BTBD9: variants seen among roughly 807,000 people sequenced by gnomAD.
The protein encoded by BTBD9 is BTB/POZ domain-containing protein 9.
Under a neutral mutation model 64.3 loss-of-function variants are expected in BTBD9, and 49 were observed. That is an observed-to-expected ratio of 0.76 (90% CI 0.61 to 0.97). The LOEUF is 0.97. BTBD9 is among the 50% of genes least tolerant of loss of function. The probability of loss-of-function intolerance (pLI) is 0.00; values close to 1 mark genes in which losing one functional copy is unlikely to be tolerated. For synonymous variants in BTBD9, 260 were observed against 274.7 expected (o/e 0.95, Z 0.53); for missense variants, 598 against 762.1 (o/e 0.78, Z 2.53).
chr6:38,632,113 A>G (rs1422734250), intron 1 of BTBD9, among the ~76,000 whole-genome samples: 2 of 152,200 alleles, frequency 1.3e-5, no homozygotes, highest in East Asian at 1.9e-4. Flanking sequence ...GGGCAACAAG[A>G]GCAAAACTCC....
chr6:38,572,786 GA>G (rs1775833453), intron 6 of BTBD9, among the ~76,000 whole-genome samples: 2 of 149,706 alleles, frequency 1.3e-5, no homozygotes, highest in African/African-American at 4.9e-5. Context: ...ACAAGTAGTG[GA>G]AAAAATATAT....
chr6:38,416,101 A>G (rs1212059357), intron 6 of BTBD9, among the ~76,000 whole-genome samples: 1 of 152,184 alleles, frequency 6.6e-6, no homozygotes, highest in Non-Finnish European at 1.5e-5. Context: ...CAAGTACTCT[A>G]TGAGACTGGA....
intron 7 of BTBD9, 104 bp downstream of exon 7, chr6:38,344,880 C>A (rs530983328): frequency 3.1e-6 from 2 of 641,278 alleles, no homozygotes; most frequent in South Asian, 3.8e-5. Context: ...GCATTTAAAT[C>A]AACCAGAGTC....
chr6:38,342,396 C>T (rs1015683742), intron 7 of BTBD9, among the ~76,000 whole-genome samples: 3 of 151,768 alleles, frequency 2.0e-5, no homozygotes, highest in African/African-American at 7.3e-5. Context: ...ATTAGCCAGG[C>T]GTTGTGGCCG....
chr6:38,417,462 G>A (rs540803334), intron 6 of BTBD9, among the ~76,000 whole-genome samples: 56 of 152,264 alleles, frequency 3.7e-4, no homozygotes, highest in African/African-American at 1.3e-3. Flanking sequence ...TCACCTCTGT[G>A]CCCTAGCACT....
chr6:38,218,446 C>T (rs1405663036), intron 9 of BTBD9, among the ~76,000 whole-genome samples: 1 of 152,182 alleles, frequency 6.6e-6, no homozygotes, highest in Non-Finnish European at 1.5e-5. Context: ...TTGCCTGGAA[C>T]ACTCCCTAAC....
At chr6:38,406,815 G>A (rs576699942) in intron 6 of BTBD9, among the ~76,000 whole-genome samples, 2 of 152,326 alleles carry the variant, frequency 1.3e-5, no homozygotes, top group South Asian at 2.1e-4. Flanking sequence ...ACAGTGCACT[G>A]CCGCCTCAAA....
At chr6:38,339,257 A>G (rs1349782983) in intron 7 of BTBD9, among the ~76,000 whole-genome samples, 1 of 152,220 alleles carries the variant, frequency 6.6e-6, no homozygotes, top group African/African-American at 2.4e-5. Context: ...TAAATAAACG[A>G]TGGTATATCT....
At chr6:38,477,348 T>C (rs1422962576) in intron 6 of BTBD9, among the ~76,000 whole-genome samples, 2 of 152,374 alleles carry the variant, frequency 1.3e-5, no homozygotes, top group East Asian at 1.9e-4. Context: ...TACTATGTGC[T>C]AGCTGTAACA....
intron 7 of BTBD9, among the ~76,000 whole-genome samples, chr6:38,313,925 T>G (rs1364905307): frequency 2.0e-5 from 3 of 151,376 alleles, no homozygotes; most frequent in African/African-American, 7.3e-5. Flanking sequence ...AATTTTTGTA[T>G]TTTTAGTAGA....
At position 38,174,379 on chromosome 6, in the gene BTBD9, C is replaced by T. The variant is rs1044670518; in HGVS notation, c.*606G>A. 3.3e-5 allele frequency: 5 copies of T among 152,360 alleles called. No individual in the cohort carries two copies. Among genetic ancestry groups the T allele is most frequent in the Non-Finnish European group, 4.4e-5 (3 of 68,176 alleles). The allele number at this position is 152,360 out of a possible 1,614,324, so 9.4% of individuals were successfully genotyped here. A position where few individuals can be genotyped will look rare whatever the true frequency, so the allele number is the denominator to read the frequency against. On this transcript the variant is annotated 3_prime_UTR_variant, in exon 11 of 11. Transcript: ENST00000481247. ...GACATGCACGATGGGTCTCTGTCCC[C>T]GCAAGCTGAACCGTTCAAAACCAAG...
rs1380542515 is a variant in BTBD9, at chr6:38,506,609, A to C, written c.1154+70991T>G. Among the ~76,000 whole-genome samples the C allele has an allele frequency of 2.0e-5, 3 of 152,216 alleles. No individual in the cohort carries two copies. In the South Asian group the frequency reaches 6.2e-4, roughly 31 times the overall value. On this transcript the variant is annotated intron_variant, in intron 6 of 10. Coordinates refer to ENST00000481247, the MANE Select transcript of BTBD9 (RefSeq NM_001099272.2). Reference sequence around the variant, plus strand: ...TGTAACACCAAAACTTCCTAAGCTGAACCATTGTAAACTGGAGACTATCTG... The same window carrying C: ...TGTAACACCAAAACTTCCTAAGCTGCACCATTGTAAACTGGAGACTATCTG...
intron 1 of BTBD9, among the ~76,000 whole-genome samples, chr6:38,618,454 T>C (rs1415158239): frequency 6.6e-6 from 1 of 152,222 alleles, no homozygotes; most frequent in Non-Finnish European, 1.5e-5. Context: ...CAGGAGGACC[T>C]CTCAGCTTAT....
chr6:38,561,901 C>T (rs1775280906), intron 6 of BTBD9, among the ~76,000 whole-genome samples: 1 of 152,056 alleles, frequency 6.6e-6, no homozygotes, highest in Non-Finnish European at 1.5e-5. Context: ...TGTGACAAAC[C>T]TGCATATGTG....
At chr6:38,182,552 T>C (rs752529370) in intron 10 of BTBD9, among the ~76,000 whole-genome samples, 5 of 152,222 alleles carry the variant, frequency 3.3e-5, no homozygotes, top group Non-Finnish European at 5.9e-5. Context: ...AGCCTAGCCA[T>C]GGCCCTGCTC....
intron 7 of BTBD9, among the ~76,000 whole-genome samples, chr6:38,301,140 C>A (rs1438091213): frequency 1.3e-5 from 2 of 152,192 alleles, no homozygotes; most frequent in African/African-American, 2.4e-5. Context: ...GTCTTTGTTT[C>A]TGTTTATATG....
At chr6:38,194,152 C>A (rs551717591) in intron 9 of BTBD9, among the ~76,000 whole-genome samples, 3 of 152,210 alleles carry the variant, frequency 2.0e-5, no homozygotes, top group Non-Finnish European at 4.4e-5. Flanking sequence ...CATGGGCCGG[C>A]AGGGGAGCCT....
chr6:38,510,998 T>C (rs921143803), intron 6 of BTBD9, among the ~76,000 whole-genome samples: 1 of 152,188 alleles, frequency 6.6e-6, no homozygotes, highest in African/African-American at 2.4e-5. Context: ...ACATATGCTA[T>C]ACTTTTATAT....
chr6:38,270,834 T>C (rs958892619), intron 8 of BTBD9, among the ~76,000 whole-genome samples: 3 of 152,186 alleles, frequency 2.0e-5, no homozygotes, highest in African/African-American at 4.8e-5. Flanking sequence ...TTCCTTGGAA[T>C]GTGTAATGAA....
Sources: gnomAD v4.1 joint callset for allele counts (sites outside exome capture counted in the v4.1 genomes callset) on GRCh38, gnomAD v4.1.1 for gene constraint, MANE v1.5 for transcripts, NCBI Gene and HGNC (gene_info 2026-07-23, HGNC 2026-07-21) for gene names.